The following TFB1M variants were observed in gnomAD, a reference collection of about 807,000 sequenced individuals.
The protein encoded by TFB1M is dimethyladenosine transferase 1, mitochondrial.
TFB1M carries 27 observed loss-of-function variants against 31.1 expected under a neutral mutation model. The ratio of observed to expected loss-of-function variants is 0.87; its 90% CI spans 0.64 to 1.20. TFB1M has a LOEUF of 1.20. TFB1M is among the 50% of genes most tolerant of loss of function. The probability of loss-of-function intolerance (pLI) is 0.00; values close to 1 mark genes in which losing one functional copy is unlikely to be tolerated. For missense variants in TFB1M, 394 were observed against 418.7 expected (o/e 0.94, Z 0.51); for synonymous variants, 166 against 151.8 (o/e 1.09, Z -0.69).
chr6:155,276,445 A>C, intron 5 of TFB1M: 2 of 1,383,986 alleles, frequency 1.4e-6, no homozygotes, highest in Non-Finnish European at 2.0e-6. Flanking sequence ...ATTAAAAAAA[A>C]ATCAGAATTA....
intron 2 of TFB1M, among the ~76,000 whole-genome samples, chr6:155,305,270 T>A (rs1361552406): frequency 3.6e-5 from 1 of 27,894 alleles, no homozygotes; most frequent in Non-Finnish European, 5.8e-5. Flanking sequence ...AATTATATAT[T>A]TATATATATA....
chr6:155,256,616 C>T lies in TFB1M; in HGVS notation c.*1220G>A, dbSNP rs780646763. Reference sequence around the variant, plus strand: ...GGCACCCAGAGCAGCGGCTGCCCCACGGCTGAGGGCAGGCAGGACTCCAAG... The same window carrying T: ...GGCACCCAGAGCAGCGGCTGCCCCATGGCTGAGGGCAGGCAGGACTCCAAG... On this transcript the variant is annotated 3_prime_UTR_variant, in exon 7 of 7. Transcript: ENST00000367166. The T allele has an allele frequency of 2.9e-5, 46 of 1,614,008 alleles. No individual in the cohort carries two copies. In the East Asian group the frequency reaches 7.4e-4, roughly 26 times the overall value.
chr6:155,272,541 G>A (rs1029632660), intron 5 of TFB1M, among the ~76,000 whole-genome samples: 1 of 151,754 alleles, frequency 6.6e-6, no homozygotes, highest in African/African-American at 2.4e-5. Flanking sequence ...CACAGCTGCT[G>A]GAACAAAGTG....
chr6:155,277,712 T>C (rs1199294122), intron 5 of TFB1M, among the ~76,000 whole-genome samples: 4 of 152,202 alleles, frequency 2.6e-5, no homozygotes, highest in East Asian at 1.9e-4. Flanking sequence ...GGGGATCATT[T>C]TGTAGAAGGT....
In TFB1M at chr6:155,256,280, C is replaced by CCTAA. The variant is rs1164065556; in HGVS notation, c.*1552_*1555dup. ...CTGGTAATCTAAAAATGCTGAATTGCCTAACTTACAACTGTAAACCTAAGT... is the reference window on the plus strand; with the variant it reads ...CTGGTAATCTAAAAATGCTGAATTGCCTAACTAACTTACAACTGTAAACCTAAGT... On this transcript the variant is annotated 3_prime_UTR_variant, in exon 7 of 7. Transcript: ENST00000367166. 4.5e-5 allele frequency: 31 copies of CCTAA among 692,870 alleles called. No individual in the cohort carries two copies. The Admixed American group carries it at 8.6e-4, about 19-fold the overall frequency. The allele number at this position is 692,870 out of a possible 1,614,324, so 42.9% of individuals were successfully genotyped here.
intron 5 of TFB1M, chr6:155,276,625 T>C (rs1785236200): frequency 2.5e-6 from 1 of 404,402 alleles, no homozygotes. Context: ...TGAAAGAGGT[T>C]CTGATTACAT....
chr6:155,301,502 A>G (rs1777428857), intron 2 of TFB1M, among the ~76,000 whole-genome samples: 1 of 152,216 alleles, frequency 6.6e-6, no homozygotes, highest in African/African-American at 2.4e-5. Context: ...GCATTCGAGA[A>G]TAACAATGGA....
chr6:155,302,773 C>T (rs1208480870), intron 2 of TFB1M, among the ~76,000 whole-genome samples: 6 of 151,976 alleles, frequency 3.9e-5, no homozygotes, highest in South Asian at 2.1e-4. Context: ...TGTATTAGTC[C>T]GTTCTCATGC....
chr6:155,277,227 C>T (rs1304007515), intron 5 of TFB1M, among the ~76,000 whole-genome samples: 2 of 152,206 alleles, frequency 1.3e-5, no homozygotes. Context: ...CTCATTTATT[C>T]ATATTTGGAT....
chr6:155,248,845 C>A, the TFB1M span, among the ~76,000 whole-genome samples: 1 of 152,098 alleles, frequency 6.6e-6, no homozygotes, highest in African/African-American at 2.4e-5. Flanking sequence ...CCAATTAAAC[C>A]ATAGGTGATA....
chr6:155,291,519 T>C lies in TFB1M; in HGVS notation c.546+5434A>G, dbSNP rs562530188. On this transcript the variant is annotated intron_variant, in intron 4 of 6. Coordinates refer to ENST00000367166, the MANE Select transcript of TFB1M (RefSeq NM_016020.4). Reference sequence around the variant, plus strand: ...GTTCCTAACAAACATGCAACGGTCCTACGTTTTTATGATGGGAAGTTCCAA... The same window carrying C: ...GTTCCTAACAAACATGCAACGGTCCCACGTTTTTATGATGGGAAGTTCCAA... Among the ~76,000 whole-genome samples, 11 of 152,316 alleles carry C rather than the reference T, an allele frequency of 7.2e-5. No homozygotes were observed. In the South Asian group the frequency reaches 1.7e-3, roughly 23 times the overall value.
chr6:155,314,112 C>T, intron 1 of TFB1M, 184 bp downstream of exon 1: 3 of 1,478,350 alleles, frequency 2.0e-6, no homozygotes, highest in Non-Finnish European at 2.7e-6. Flanking sequence ...GAGCAATCAA[C>T]GCACTTCACG....
chr6:155,230,543 T>TTATTGCCAGTC, the TFB1M span, among the ~76,000 whole-genome samples: 8 of 151,964 alleles, frequency 5.3e-5, no homozygotes, highest in Admixed American at 2.6e-4. Context: ...CAAGGAGTGA[T>TTATTGCCAGTC]TTGTTCATCA....
intron 3 of TFB1M, 34 bp downstream of exon 3, chr6:155,298,443 A>G (rs1036608829): frequency 9.3e-7 from 1 of 1,070,234 alleles, no homozygotes; most frequent in African/African-American, 1.6e-5. Flanking sequence ...ATAATCATAA[A>G]AGAAATGTTT....
chr6:155,241,543 A>G, the TFB1M span, among the ~76,000 whole-genome samples: 1 of 152,158 alleles, frequency 6.6e-6, no homozygotes, highest in African/African-American at 2.4e-5. Context: ...TGCTGGGTCC[A>G]TGAATTAAGG....
At chr6:155,292,879 G>A (rs1051681089) in intron 4 of TFB1M, among the ~76,000 whole-genome samples, 1 of 152,160 alleles carries the variant, frequency 6.6e-6, no homozygotes, top group African/African-American at 2.4e-5. Flanking sequence ...GCCCAGGCTG[G>A]AGTGCAGTGA....
the TFB1M span, among the ~76,000 whole-genome samples, chr6:155,230,423 C>A: frequency 6.6e-6 from 1 of 152,212 alleles, no homozygotes; most frequent in Non-Finnish European, 1.5e-5. Flanking sequence ...CTGTTCCTGT[C>A]CTTGCTTCAA....
At position 155,314,447 on chromosome 6, in the gene TFB1M, T is replaced by TC. The variant is rs755811249; in HGVS notation, c.-20dup. On this transcript the variant is annotated 5_prime_UTR_variant, in exon 1 of 7. Coordinates refer to ENST00000367166, the MANE Select transcript of TFB1M (RefSeq NM_016020.4). ...CAGCCATGATACGCGGCAAGCACCA[T>TC]CCAACCCTACCTCACCCAGGACCTT... 1.8e-5 allele frequency: 29 copies of TC among 1,613,918 alleles called. 1 individual carries two copies. In the South Asian group the frequency reaches 3.0e-4, roughly 16 times the overall value.
chr6:155,294,434 G>A (rs1051480594), intron 4 of TFB1M, among the ~76,000 whole-genome samples: 6 of 152,148 alleles, frequency 3.9e-5, no homozygotes, highest in African/African-American at 1.4e-4. Context: ...GGACTAGTAT[G>A]AAGAGTATTA....
Sources: gnomAD v4.1 joint callset for allele counts (sites outside exome capture counted in the v4.1 genomes callset) on GRCh38, gnomAD v4.1.1 for gene constraint, MANE v1.5 for transcripts, NCBI Gene and HGNC (gene_info 2026-07-23, HGNC 2026-07-21) for gene names.